The following HDAC9 variants were observed in gnomAD, a reference collection of about 807,000 sequenced individuals.
HDAC9 encodes the protein histone deacetylase 9.
Under a neutral mutation model 139.4 loss-of-function variants are expected in HDAC9, and 41 were observed. The observed-to-expected ratio is 0.29, with a 90% CI of 0.23 to 0.38. The LOEUF is 0.38. Among genes scored for constraint, HDAC9 ranks in the 10% least tolerant of loss-of-function variants. HDAC9 has a pLI of 1.00. For missense variants in HDAC9, 1,147 were observed against 1,297.0 expected (o/e 0.88, Z 1.78); for synonymous variants, 517 against 476.2 (o/e 1.09, Z -1.12).
chr7:18,291,927 G>C (rs1797835771), intron 1 of HDAC9, among the ~76,000 whole-genome samples: 1 of 152,062 alleles, frequency 6.6e-6, no homozygotes, highest in Non-Finnish European at 1.5e-5. Flanking sequence ...CTGCAGTTGG[G>C]TTTAGGCAAC....
At chr7:18,272,903 C>G (rs981548498) in intron 2 of HDAC9, among the ~76,000 whole-genome samples, 1 of 145,240 alleles carries the variant, frequency 6.9e-6, no homozygotes, top group African/African-American at 2.6e-5. Context: ...TATAAGATAA[C>G]TAGACTACTG....
intron 22 of HDAC9, among the ~76,000 whole-genome samples, chr7:18,902,614 A>G (rs1801832890): frequency 6.6e-6 from 1 of 152,206 alleles, no homozygotes; most frequent in African/African-American, 2.4e-5. Context: ...AACTGAAACA[A>G]TTGACAAGGG....
intron 21 of HDAC9, among the ~76,000 whole-genome samples, chr7:18,842,536 A>G (rs1236777010): frequency 6.6e-6 from 1 of 152,102 alleles, no homozygotes; most frequent in African/African-American, 2.4e-5. Flanking sequence ...CACTGTCCAG[A>G]TTCCATTCTC....
chr7:18,329,512 T>C (rs1157842986), intron 1 of HDAC9, among the ~76,000 whole-genome samples: 1 of 150,066 alleles, frequency 6.7e-6, no homozygotes, highest in East Asian at 2.0e-4. Flanking sequence ...TAAGAGTGAA[T>C]GGAATAATTG....
At position 18,499,231 on chromosome 7, in the gene HDAC9, G is replaced by A. The variant is rs190431524; in HGVS notation, c.22+2907G>A. The stretch of plus-strand genomic sequence containing the variant: ...TTGGTTATGTTGTGTAATTTCTTTA[G>A]CAATTGCATTAGAGTTCCCATTTGT... On this transcript the variant is annotated intron_variant, in intron 2 of 25. Transcript: ENST00000686413. 2.6e-5 allele frequency among the ~76,000 whole-genome samples: 4 copies of A among 152,176 alleles called. No homozygotes were observed. In the East Asian group the frequency reaches 7.7e-4, roughly 29 times the overall value.
At chr7:18,090,695 G>A (rs1919313) in intron 1 of HDAC9, among the ~76,000 whole-genome samples, 151,787 of 152,316 alleles carry the variant, frequency 1, 75,632 homozygotes, top group Middle Eastern at 1. Context: ...GCAGCCAGTA[G>A]TGGTCAGAGA....
intron 1 of HDAC9, among the ~76,000 whole-genome samples, chr7:18,454,661 T>C (rs1793182800): frequency 3.3e-5 from 5 of 152,042 alleles, no homozygotes; most frequent in Admixed American, 3.3e-4. Flanking sequence ...GAAGAACCTG[T>C]GAACAGCAAG....
chr7:18,196,791 C>T (rs73681723), intron 2 of HDAC9, among the ~76,000 whole-genome samples: 1 of 152,052 alleles, frequency 6.6e-6, no homozygotes, highest in African/African-American at 2.4e-5. Context: ...ATCATAAGGA[C>T]CTGAACCGAG....
intron 17 of HDAC9, among the ~76,000 whole-genome samples, chr7:18,795,883 T>C (rs1262616577): frequency 3.3e-5 from 5 of 152,232 alleles, no homozygotes; most frequent in African/African-American, 1.2e-4. Flanking sequence ...GGAGCATTAT[T>C]ACTCATGGTT....
intron 25 of HDAC9, among the ~76,000 whole-genome samples, chr7:18,980,781 T>TTCTTCC (rs1563103414): frequency 1.0e-4 from 15 of 148,578 alleles, no homozygotes; most frequent in African/African-American, 3.8e-4. Context: ...CTTCTTCCTC[T>TTCTTCC]TCTTCTTCTT....
At chr7:18,259,972 T>TA (rs1165074604) in intron 2 of HDAC9, among the ~76,000 whole-genome samples, 3 of 152,188 alleles carry the variant, frequency 2.0e-5, no homozygotes, top group African/African-American at 7.2e-5. Context: ...ATCATACTGA[T>TA]ATGTATATTT....
chr7:18,344,018 A>G (rs141224081), intron 1 of HDAC9, among the ~76,000 whole-genome samples: 3 of 151,908 alleles, frequency 2.0e-5, no homozygotes, highest in East Asian at 1.9e-4. Flanking sequence ...CTTCTTTACA[A>G]TTTCTTCTGT....
In HDAC9 at chr7:18,841,905, T is replaced by C. The variant is rs375479995; in HGVS notation, c.2684+5908T>C. Among the ~76,000 whole-genome samples the C allele has an allele frequency of 1.3e-4, 20 of 152,240 alleles. No individual in the cohort carries two copies. In the East Asian group the frequency reaches 3.3e-3, roughly 25 times the overall value. On this transcript the variant is annotated intron_variant, in intron 21 of 25. Transcript: ENST00000686413. ...ATAACCGATCTAATTACAACGGGGATATAAATGTTTTCATCTTTGTTAAAA... is the reference window on the plus strand; with the variant it reads ...ATAACCGATCTAATTACAACGGGGACATAAATGTTTTCATCTTTGTTAAAA...
intron 22 of HDAC9, among the ~76,000 whole-genome samples, chr7:18,883,347 A>T (rs1251559513): frequency 1.3e-5 from 2 of 152,166 alleles, no homozygotes; most frequent in Non-Finnish European, 2.9e-5. Flanking sequence ...CACCATGATC[A>T]AGTGGGATTT....
intron 25 of HDAC9, among the ~76,000 whole-genome samples, chr7:18,993,300 T>TTTCAA (rs1786150860): frequency 6.6e-6 from 1 of 152,224 alleles, no homozygotes; most frequent in Non-Finnish European, 1.5e-5. Flanking sequence ...CATTAACTCG[T>TTTCAA]TTCAATTCTC....
intron 7 of HDAC9, 61 bp from the exon 8 acceptor site, chr7:18,634,566 A>T (rs1273485557): frequency 1.0e-6 from 1 of 982,890 alleles, no homozygotes. Context: ...ATGTTACAGT[A>T]ACTAAAGTTC....
At chr7:18,418,065 GCT>G (rs1227790812) in intron 1 of HDAC9, among the ~76,000 whole-genome samples, 4 of 152,120 alleles carry the variant, frequency 2.6e-5, no homozygotes, top group Non-Finnish European at 4.4e-5. Flanking sequence ...CAATCATAGA[GCT>G]CACCACCTTT....
In HDAC9 at chr7:18,647,938, G is replaced by C; in HGVS notation, c.1189G>C (p.Ala397Pro). Residue 397 changes from alanine (A) to proline (P), a missense_variant, in exon 10 of 26, where the codon GCT (alanine) becomes CCT (proline). Physicochemically the swap from Ala to Pro is conservative, Grantham distance 27. Around this residue, in one of 7 missense-constraint regions of HDAC9, gnomAD observed 264 missense variants for 273.8 expected, o/e 0.96. Transcript: ENST00000686413. ...EGKPPNSSHQ[A>P]LLQHLLLKEQ... The stretch of plus-strand genomic sequence containing the variant: ...AAAGCCACCCAACAGCAGCCACCAG[G>C]CTCTCCTGCAGCATTTATTATTGAA... 1 of 1,612,710 alleles carries C rather than the reference G, an allele frequency of 6.2e-7. No homozygotes were observed. Among genetic ancestry groups the C allele is most frequent in the Non-Finnish European group, 8.5e-7 (1 of 1,179,378 alleles).
intron 17 of HDAC9, among the ~76,000 whole-genome samples, chr7:18,812,538 A>G (rs1365813143): frequency 6.6e-6 from 1 of 151,828 alleles, no homozygotes; most frequent in Non-Finnish European, 1.5e-5. Flanking sequence ...TTTTTTGAAA[A>G]TTAGAAATCG....
Sources: allele counts gnomAD v4.1 joint callset (sites outside exome capture counted in the v4.1 genomes callset), GRCh38; gene constraint gnomAD v4.1.1; regional missense constraint gnomAD v4.1.1; transcripts MANE v1.5; gene names NCBI Gene and HGNC (gene_info 2026-07-23, HGNC 2026-07-21).